The following SIK3 variants were observed in gnomAD, a reference collection of about 807,000 sequenced individuals.
SIK3 encodes the protein serine/threonine-protein kinase SIK3.
Under a neutral mutation model 144.2 loss-of-function variants are expected in SIK3, and 28 were observed. That is an observed-to-expected ratio of 0.19 (90% CI 0.14 to 0.27). The LOEUF (loss-of-function observed/expected upper bound fraction) is 0.27, where lower values mean the gene tolerates loss of function less well. SIK3 is among the 10% of genes least tolerant of loss of function. The pLI, the probability that SIK3 is intolerant of heterozygous loss-of-function variation, is 1.00. For synonymous variants in SIK3, 686 were observed against 676.3 expected (o/e 1.01, Z -0.22); for missense variants, 1,319 against 1,776.0 (o/e 0.74, Z 4.62).
chr11:116,981,971 T>A (rs11216215), intron 1 of SIK3, among the ~76,000 whole-genome samples: 11,037 of 152,290 alleles, frequency 0.072, 494 homozygotes, highest in Middle Eastern at 0.11. Flanking sequence ...TCACAGGTAG[T>A]ATAAAATCTG....
intron 1 of SIK3, among the ~76,000 whole-genome samples, chr11:116,986,381 CTT>C (rs1379805253): frequency 3.3e-5 from 5 of 152,076 alleles, no homozygotes; most frequent in Admixed American, 6.5e-5. Context: ...ATTAGCTGTT[CTT>C]GTTGTTGTTA....
intron 14 of SIK3, 98 bp downstream of exon 14, chr11:116,870,233 G>A: frequency 6.4e-7 from 1 of 1,571,784 alleles, no homozygotes. Context: ...AAATGTTGAA[G>A]CTGCACTCTA....
At chr11:117,084,412 T>C (rs558164946) in intron 1 of SIK3, among the ~76,000 whole-genome samples, 57 of 152,164 alleles carry the variant, frequency 3.7e-4, no homozygotes, top group African/African-American at 1.2e-3. Context: ...ATTACAGGCA[T>C]GCACCAACAC....
At chr11:117,054,356 C>T (rs1254133591) in intron 1 of SIK3, among the ~76,000 whole-genome samples, 1 of 152,170 alleles carries the variant, frequency 6.6e-6, no homozygotes, top group Non-Finnish European at 1.5e-5. Flanking sequence ...CAGTAGTCTG[C>T]ATATACTGTA....
intron 1 of SIK3, among the ~76,000 whole-genome samples, chr11:116,973,183 T>A (rs778004020): frequency 6.6e-6 from 1 of 152,156 alleles, no homozygotes; most frequent in Non-Finnish European, 1.5e-5. Flanking sequence ...TCAAGACCCA[T>A]GGAAACTGTA....
At chr11:117,022,669 C>T (rs529079495) in intron 1 of SIK3, among the ~76,000 whole-genome samples, 13 of 152,192 alleles carry the variant, frequency 8.5e-5, no homozygotes, top group East Asian at 3.9e-4. Flanking sequence ...TGTGTCAAAA[C>T]GCAACATAGA....
chr11:116,997,834 C>T (rs1414202569), intron 1 of SIK3, among the ~76,000 whole-genome samples: 1 of 152,164 alleles, frequency 6.6e-6, no homozygotes, highest in African/African-American at 2.4e-5. Flanking sequence ...CACAAGAGTG[C>T]CTTTGTTGAC....
At chr11:117,035,109 T>C (rs1440961058) in intron 1 of SIK3, among the ~76,000 whole-genome samples, 2 of 152,152 alleles carry the variant, frequency 1.3e-5, no homozygotes, top group Non-Finnish European at 2.9e-5. Flanking sequence ...TGGGCTATAA[T>C]CCAAAATGCT....
At chr11:116,980,084 G>A (rs1189252537) in intron 1 of SIK3, among the ~76,000 whole-genome samples, 2 of 151,634 alleles carry the variant, frequency 1.3e-5, no homozygotes, top group Non-Finnish European at 2.9e-5. Context: ...TGTATTTTTC[G>A]CTGCAAATGC....
chr11:117,040,810 T>G (rs1247118884), intron 1 of SIK3, among the ~76,000 whole-genome samples: 1 of 152,154 alleles, frequency 6.6e-6, no homozygotes, highest in Non-Finnish European at 1.5e-5. Context: ...AATACTATCA[T>G]CATATTTTCT....
In SIK3 at chr11:116,875,225, G is replaced by A. The variant is rs765993278; in HGVS notation, c.1360C>T (p.Pro454Ser). Residue 454 changes from proline to serine, a missense_variant, in exon 11 of 25, where the codon CCT becomes TCT. By Grantham distance (74) the Pro-to-Ser change is moderately conservative (BLOSUM62 -1). Transcript: ENST00000445177. ...TAGCGCACCAATGCTTCAGGGGAAGGCTCTTCACCCTCATCACTGTCCAAA... is the reference window on the plus strand; with the variant it reads ...TAGCGCACCAATGCTTCAGGGGAAGACTCTTCACCCTCATCACTGTCCAAA... ...LNLDSDEGEE[P>S]SPEALVRYLS... is the part of the protein sequence containing the mutation. The A allele has an allele frequency of 3.1e-6, 5 of 1,614,182 alleles. No individual in the cohort carries two copies. The highest frequency in any genetic ancestry group is 4.2e-6 in the Non-Finnish European group (5 of 1,180,020).
intron 4 of SIK3, among the ~76,000 whole-genome samples, chr11:116,902,500 A>T (rs1565431063): frequency 6.6e-6 from 1 of 152,192 alleles, no homozygotes. Flanking sequence ...TATGAGAATG[A>T]ATGATATATT....
chr11:117,065,493 G>T (rs901258579), intron 1 of SIK3, among the ~76,000 whole-genome samples: 6 of 151,988 alleles, frequency 3.9e-5, no homozygotes, highest in Non-Finnish European at 7.4e-5. Flanking sequence ...GTTAAACCTG[G>T]CACTGTATTT....
intron 1 of SIK3, among the ~76,000 whole-genome samples, chr11:116,999,272 C>G (rs1245554870): frequency 6.6e-6 from 1 of 152,218 alleles, no homozygotes; most frequent in Non-Finnish European, 1.5e-5. Context: ...CTTCTTTATG[C>G]TAAGTTGTAC....
intron 1 of SIK3, among the ~76,000 whole-genome samples, chr11:117,077,633 T>C (rs536437649): frequency 6.6e-6 from 1 of 152,174 alleles, no homozygotes; most frequent in Admixed American, 6.5e-5. Flanking sequence ...CAAGAGATAA[T>C]ATCTACTAAT....
intron 1 of SIK3, among the ~76,000 whole-genome samples, chr11:117,062,661 A>G (rs973148998): frequency 1.8e-4 from 27 of 152,302 alleles, no homozygotes; most frequent in Admixed American, 1.1e-3. Context: ...AAAAAAATTT[A>G]GCCATTTGTC....
intron 1 of SIK3, among the ~76,000 whole-genome samples, chr11:116,998,554 TGTAAAGA>T (rs984399421): frequency 2.0e-5 from 3 of 151,778 alleles, no homozygotes; most frequent in Admixed American, 2.0e-4. Flanking sequence ...GGATTTGGGA[TGTAAAGA>T]GAAACAAATA....
chr11:116,914,349 C>T (rs1308738482), intron 4 of SIK3, among the ~76,000 whole-genome samples: 2 of 152,098 alleles, frequency 1.3e-5, no homozygotes, highest in East Asian at 3.9e-4. Flanking sequence ...GCTGGGACTA[C>T]AGGCATGTGC....
intron 3 of SIK3, among the ~76,000 whole-genome samples, chr11:116,947,679 C>G (rs1170987786): frequency 6.6e-6 from 1 of 151,328 alleles, no homozygotes; most frequent in Admixed American, 6.6e-5. Flanking sequence ...CATTCTCCTG[C>G]CTCAGCCTCC....
Sources: gnomAD v4.1 joint callset for allele counts (sites outside exome capture counted in the v4.1 genomes callset) on GRCh38, gnomAD v4.1.1 for gene constraint, MANE v1.5 for transcripts, NCBI Gene and HGNC (gene_info 2026-07-23, HGNC 2026-07-21) for gene names.